HERPUD2: variants seen among roughly 807,000 people sequenced by gnomAD.
HERPUD2 encodes the protein HERPUD family member 2.
Under a neutral mutation model 49.9 loss-of-function variants are expected in HERPUD2, and 13 were observed. The ratio of observed to expected loss-of-function variants is 0.26; its 90% CI spans 0.17 to 0.41. HERPUD2 has a LOEUF of 0.41. Ranked by LOEUF, HERPUD2 falls within the 10% of genes least tolerant of loss-of-function variation. The probability of loss-of-function intolerance (pLI) is 1.00; values close to 1 mark genes in which losing one functional copy is unlikely to be tolerated. For synonymous variants in HERPUD2, 172 were observed against 171.4 expected (o/e 1.00, Z -0.03); for missense variants, 449 against 492.2 (o/e 0.91, Z 0.83).
intron 4 of HERPUD2, among the ~76,000 whole-genome samples, chr7:35,669,190 A>T (rs1785597547): frequency 1.3e-5 from 2 of 152,202 alleles, no homozygotes; most frequent in Admixed American, 6.5e-5. Flanking sequence ...CCAAGGCAGG[A>T]AACATACAAA....
At chr7:35,657,309 C>T (rs1376414871) in intron 5 of HERPUD2, among the ~76,000 whole-genome samples, 1 of 151,920 alleles carries the variant, frequency 6.6e-6, no homozygotes, top group African/African-American at 2.4e-5. Flanking sequence ...CACAATGAAA[C>T]TTAATTTTAC....
intron 2 of HERPUD2, among the ~76,000 whole-genome samples, chr7:35,692,995 G>C (rs1187748212): frequency 6.6e-6 from 1 of 152,170 alleles, no homozygotes; most frequent in South Asian, 2.1e-4. Flanking sequence ...AAAAGTTTTA[G>C]TAATTAAACA....
intron 5 of HERPUD2, among the ~76,000 whole-genome samples, chr7:35,665,273 G>A (rs960315194): frequency 2.0e-5 from 3 of 152,222 alleles, no homozygotes; most frequent in African/African-American, 7.2e-5. Context: ...CACCCAGTTC[G>A]AGCTTCCTGG....
chr7:35,674,477 A>G, intron 2 of HERPUD2, among the ~76,000 whole-genome samples: 1 of 139,236 alleles, frequency 7.2e-6, no homozygotes, highest in African/African-American at 2.6e-5. Flanking sequence ...GCACTGTGGT[A>G]TCGTAAAATG....
intron 7 of HERPUD2, 51 bp downstream of exon 7, chr7:35,635,084 G>T: frequency 7.4e-7 from 1 of 1,350,764 alleles, no homozygotes; most frequent in Non-Finnish European, 1.1e-6. Flanking sequence ...CAGATTCTGT[G>T]CTGAACAGTT....
chr7:35,682,353 GTGTGTA>G (rs1342524118), intron 2 of HERPUD2, among the ~76,000 whole-genome samples: 396 of 27,588 alleles, frequency 0.014, 73 homozygotes, highest in Non-Finnish European at 0.02. Flanking sequence ...GTGTGTGTGT[GTGTGTA>G]TATATATATA....
chr7:35,676,139 C>T (rs1785753827), intron 2 of HERPUD2, among the ~76,000 whole-genome samples: 1 of 152,204 alleles, frequency 6.6e-6, no homozygotes, highest in Admixed American at 6.5e-5. Context: ...AAGGTTCACA[C>T]ACAAAATTTG....
At chr7:35,683,755 A>G (rs1340197573) in intron 2 of HERPUD2, among the ~76,000 whole-genome samples, 4 of 152,228 alleles carry the variant, frequency 2.6e-5, no homozygotes, top group African/African-American at 9.6e-5. Context: ...GGCTAAGGAC[A>G]TGACAATTCT....
chr7:35,657,559 A>G (rs1785301314), intron 5 of HERPUD2, among the ~76,000 whole-genome samples: 1 of 143,328 alleles, frequency 7.0e-6, no homozygotes, highest in Non-Finnish European at 1.5e-5. Flanking sequence ...GAGTATGATC[A>G]TGCTGCTGCA....
chr7:35,694,053 C>T, intron 2 of HERPUD2, 131 bp downstream of exon 2: 1 of 892,158 alleles, frequency 1.1e-6, no homozygotes, highest in South Asian at 1.5e-5. Context: ...CCTCAGAACT[C>T]AAAATACCTC....
At chr7:35,691,495 T>C (rs1045239526) in intron 2 of HERPUD2, among the ~76,000 whole-genome samples, 1 of 152,136 alleles carries the variant, frequency 6.6e-6, no homozygotes, top group Non-Finnish European at 1.5e-5. Flanking sequence ...TCAGATCCAA[T>C]TAGAGCAATG....
intron 5 of HERPUD2, 49 bp downstream of exon 5, chr7:35,667,384 AT>A (rs1562679548): frequency 1.3e-6 from 2 of 1,551,256 alleles, no homozygotes; most frequent in Non-Finnish European, 8.8e-7. Context: ...AAAGCAATTC[AT>A]TTTTAGGGGG....
chr7:35,661,357 T>C (rs374454055), intron 5 of HERPUD2, among the ~76,000 whole-genome samples: 58 of 152,350 alleles, frequency 3.8e-4, no homozygotes, highest in African/African-American at 1.1e-3. Flanking sequence ...GACTTGGCAA[T>C]GCGGGCTCTT....
intron 4 of HERPUD2, among the ~76,000 whole-genome samples, chr7:35,669,905 A>G (rs1390450396): frequency 2.0e-5 from 3 of 152,118 alleles, no homozygotes; most frequent in Non-Finnish European, 4.4e-5. Flanking sequence ...AAGAGTTTAT[A>G]TTATATAACC....
intron 5 of HERPUD2, among the ~76,000 whole-genome samples, chr7:35,651,348 C>T (rs1460521616): frequency 1.3e-5 from 2 of 152,066 alleles, no homozygotes; most frequent in African/African-American, 2.4e-5. Flanking sequence ...CAGGCATACT[C>T]AGCCTACCAC....
intron 4 of HERPUD2, 85 bp from the exon 5 acceptor site, chr7:35,667,673 T>A (rs773806896): frequency 1.6e-5 from 16 of 1,007,668 alleles, no homozygotes; most frequent in Admixed American, 4.2e-5. Flanking sequence ...AACGTATTCA[T>A]GAAATCCCTC....
chr7:35,643,227 A>C (rs1408069922), intron 5 of HERPUD2, among the ~76,000 whole-genome samples: 1 of 152,194 alleles, frequency 6.6e-6, no homozygotes, highest in Non-Finnish European at 1.5e-5. Context: ...CCGCACACCT[A>C]TGTAGACATT....
intron 8 of HERPUD2, 104 bp from the exon 9 acceptor site, chr7:35,633,955 T>C: frequency 1.7e-6 from 2 of 1,197,736 alleles, no homozygotes; most frequent in Non-Finnish European, 2.3e-6. Context: ...TATGAAGTGG[T>C]ATGTATGTGG....
intron 3 of HERPUD2, 130 bp from the exon 4 acceptor site, chr7:35,670,458 G>T (rs1203256960): frequency 2.5e-6 from 1 of 402,444 alleles, no homozygotes; most frequent in Non-Finnish European, 4.4e-6. Context: ...CTGATAAATT[G>T]TTATCATTTG....
Sources: gnomAD v4.1 joint callset for allele counts (sites outside exome capture counted in the v4.1 genomes callset) on GRCh38, gnomAD v4.1.1 for gene constraint, MANE v1.5 for transcripts, NCBI Gene and HGNC (gene_info 2026-07-23, HGNC 2026-07-21) for gene names.